Variants in DNAH11 observed in about 807,000 individuals in gnomAD.
The protein encoded by DNAH11 is axonemal beta dynein heavy chain 11.
A neutral mutation model predicts 526.0 loss-of-function variants in DNAH11; 442 were observed. The ratio of observed to expected loss-of-function variants is 0.84; its 90% confidence interval spans 0.78 to 0.91. DNAH11 has a LOEUF of 0.91. Among genes scored for constraint, DNAH11 ranks in the 40% least tolerant of loss-of-function variants. DNAH11 has a pLI of 0.00. For synonymous variants in DNAH11, 2,461 were observed against 1,935.9 expected (o/e 1.27, Z -7.12); for missense variants, 6,989 against 5,448.7 (o/e 1.28, Z -8.90).
At chr7:21,864,794 G>T in intron 70 of DNAH11, 137 bp downstream of exon 70, 2 of 814,436 alleles carry the variant, frequency 2.5e-6, no homozygotes, top group Non-Finnish European at 3.5e-6. Context: ...ACTGTATAAT[G>T]TGATGTTATT....
At chr7:21,696,313 T>C (rs939503913) in intron 35 of DNAH11, among the ~76,000 whole-genome samples, 6 of 152,210 alleles carry the variant, frequency 3.9e-5, no homozygotes, top group African/African-American at 1.4e-4. Context: ...AAATTTAATC[T>C]GATGAGAACT....
chr7:21,786,877 A>G, intron 59 of DNAH11, 110 bp downstream of exon 59: 1 of 1,426,366 alleles, frequency 7.0e-7, no homozygotes, highest in Non-Finnish European at 9.5e-7. Context: ...AATCATCTTC[A>G]TAGTTGCTGA....
At chr7:21,782,046 G>C (rs1787967250) in intron 57 of DNAH11, among the ~76,000 whole-genome samples, 1 of 152,178 alleles carries the variant, frequency 6.6e-6, no homozygotes, top group African/African-American at 2.4e-5. Context: ...CCTGTCTCCA[G>C]ATACAGTCAC....
At chr7:21,895,054 A>C (rs890729791) in intron 79 of DNAH11, 55 bp downstream of exon 79, 1 of 1,413,944 alleles carries the variant, frequency 7.1e-7, no homozygotes, top group Non-Finnish European at 1.0e-6. Context: ...GTGCTGGGTT[A>C]GTGTTCTGAA....
chr7:21,708,862 T>C (rs2128480484), intron 40 of DNAH11, among the ~76,000 whole-genome samples: 1 of 152,204 alleles, frequency 6.6e-6, no homozygotes. Context: ...AGATCTAAAG[T>C]AGAAATACAA....
At chr7:21,763,970 G>A (rs1282686106) in intron 54 of DNAH11, among the ~76,000 whole-genome samples, 5 of 151,890 alleles carry the variant, frequency 3.3e-5, no homozygotes, top group African/African-American at 1.2e-4. Context: ...CTGCTTATGC[G>A]CAGTATTGAG....
At chr7:21,643,713 C>T (rs570454352) in intron 28 of DNAH11, among the ~76,000 whole-genome samples, 2 of 152,194 alleles carry the variant, frequency 1.3e-5, no homozygotes, top group South Asian at 2.1e-4. Context: ...TTGTATGAAA[C>T]GCAAATACAG....
At chr7:21,666,741 ATATTGGACACAAGTATTT>A (rs1317952586) in intron 30 of DNAH11, among the ~76,000 whole-genome samples, 1 of 150,432 alleles carries the variant, frequency 6.6e-6, no homozygotes, top group Non-Finnish European at 1.5e-5. Flanking sequence ...TACCAAGTGT[ATATTGGACACAAGTATTT>A]TTTTTTTTTG....
In DNAH11 at chr7:21,868,917, G is replaced by C; in HGVS notation, c.11893G>C (p.Gly3965Arg). The change falls in exon 73 of 82, where the codon GGA (glycine) becomes CGA (arginine). Residue 3965 changes from glycine to arginine, a missense_variant. Gly to Arg is a moderately radical substitution (Grantham distance 125). Coordinates refer to ENST00000409508, the MANE Select transcript of DNAH11 (RefSeq NM_001277115.2). Reference sequence around the variant, plus strand: ...TGGAAAATTCCACAATGTGTCTTTAGGACAAGGTCAGGAGACGGTGGCAGA... The same window carrying C: ...TGGAAAATTCCACAATGTGTCTTTACGACAAGGTCAGGAGACGGTGGCAGA... ...DSGKFHNVSL[G>R]QGQETVAEVA... is the part of the protein sequence containing the mutation. 6.2e-7 allele frequency: 1 copy of C among 1,614,032 alleles called. No individual in the cohort carries two copies. The highest frequency in any genetic ancestry group is 8.5e-7 in the Non-Finnish European group (1 of 1,179,900).
At chr7:21,773,098 T>A (rs1444150445) in intron 55 of DNAH11, among the ~76,000 whole-genome samples, 2 of 142,308 alleles carry the variant, frequency 1.4e-5, no homozygotes, top group Non-Finnish European at 3.1e-5. Context: ...GAGGGAGATG[T>A]GACTCTGCAA....
chr7:21,598,957 C>T lies in DNAH11; in HGVS notation c.2668-830C>T, dbSNP rs762923074. On this transcript the variant is annotated intron_variant, in intron 14 of 81. Coordinates refer to ENST00000409508, the MANE Select transcript of DNAH11 (RefSeq NM_001277115.2). The stretch of plus-strand genomic sequence containing the variant: ...GGCTGCATAGTATTCCATGTATACA[C>T]GTACCACATTTTCTTTATCCAGTGT... Among the ~76,000 whole-genome samples the T allele has an allele frequency of 3.9e-5, 6 of 152,128 alleles. No individual in the cohort carries two copies. The East Asian group carries it at 7.7e-4, about 20-fold the overall frequency.
At chr7:21,591,949 C>G (rs1027766809) in intron 14 of DNAH11, among the ~76,000 whole-genome samples, 3 of 152,162 alleles carry the variant, frequency 2.0e-5, no homozygotes, top group African/African-American at 7.2e-5. Context: ...GGTACCCTCT[C>G]AACCATCTCC....
chr7:21,609,458 G>A (rs1347873323), intron 20 of DNAH11, among the ~76,000 whole-genome samples: 1 of 152,110 alleles, frequency 6.6e-6, no homozygotes, highest in African/African-American at 2.4e-5. Context: ...GACCTCCAGT[G>A]ATCTGCCTGC....
At chr7:21,765,336 T>C in intron 54 of DNAH11, 92 bp from the exon 55 acceptor site, 11 of 1,574,264 alleles carry the variant, frequency 7.0e-6, no homozygotes, top group Admixed American at 3.4e-5. Context: ...CACAGTTGGC[T>C]GCACTCCTTT....
At chr7:21,854,183 C>G (rs778653546) in intron 67 of DNAH11, 132 bp from the exon 68 acceptor site, 104 of 863,056 alleles carry the variant, frequency 1.2e-4, no homozygotes, top group Non-Finnish European at 1.7e-4. Context: ...AGCTCGAGCA[C>G]ATGGATGCCA....
At chr7:21,545,222 G>T in intron 2 of DNAH11, 73 bp downstream of exon 2, 1 of 1,172,386 alleles carries the variant, frequency 8.5e-7, no homozygotes, top group Non-Finnish European at 1.1e-6. Context: ...GGACAACTCC[G>T]ATAATTAAAA....
At chr7:21,739,491 A>G in intron 47 of DNAH11, 80 bp from the exon 48 acceptor site, 1 of 1,014,472 alleles carries the variant, frequency 9.9e-7, no homozygotes, top group South Asian at 1.5e-5. Flanking sequence ...ATCTGCGATG[A>G]AGACCTTTAT....
At chr7:21,551,062 A>C (rs1181779437) in intron 2 of DNAH11, among the ~76,000 whole-genome samples, 1 of 152,184 alleles carries the variant, frequency 6.6e-6, no homozygotes, top group Non-Finnish European at 1.5e-5. Flanking sequence ...TGCATCACAC[A>C]GAGCCTGGGG....
Position 21,892,288 on chromosome 7 carries a change from A to G in DNAH11, c.12508-137A>G. ...CATATAGAGCAAAATTGTTGATTAT[A>G]AAACAGTTTAGGGAGCCTGCTACCC... On this transcript the variant is annotated intron_variant, in intron 76 of 81. Transcript: ENST00000409508. 4.8e-6 allele frequency: 6 copies of G among 1,263,034 alleles called. 1 individual carries two copies. In the South Asian group the frequency reaches 6.0e-5, roughly 13 times the overall value. The allele number at this position is 1,263,034 out of a possible 1,614,324, so 78.2% of individuals were successfully genotyped here. A position where few individuals can be genotyped will look rare whatever the true frequency, so the allele number is the denominator to read the frequency against.
Sources: allele counts gnomAD v4.1 joint callset (sites outside exome capture counted in the v4.1 genomes callset), GRCh38; gene constraint gnomAD v4.1.1; transcripts MANE v1.5; gene names NCBI Gene and HGNC (gene_info 2026-07-23, HGNC 2026-07-21).